Variants in SNRPE observed in about 807,000 individuals in gnomAD.
The protein encoded by SNRPE is small nuclear ribonucleoprotein polypeptide E, also known as small nuclear ribonucleoprotein E.
For missense variants in SNRPE, 53 were observed against 111.6 expected (o/e 0.48, Z 2.36); for synonymous variants, 35 against 36.7 (o/e 0.95, Z 0.17).
intron 4 of SNRPE, among the ~76,000 whole-genome samples, chr1:203,868,146 C>T (rs1164271095): frequency 6.6e-6 from 1 of 152,102 alleles, no homozygotes; most frequent in Admixed American, 6.5e-5. Context: ...ACCTCTGCCT[C>T]CCAGGTTCAA....
At position 203,861,713 on chromosome 1, in the gene SNRPE, C is replaced by T. The variant is rs1433186828; in HGVS notation, c.54C>T (p.Ile18=). 3.7e-6 allele frequency: 6 copies of T among 1,608,176 alleles called. No individual in the cohort carries two copies. The highest frequency in any genetic ancestry group is 3.4e-6 in the Non-Finnish European group (4 of 1,174,570). ...QKVQKVMVQP[I]NLIFRYLQNR... ...TGCAGAAGGTTATGGTGCAGCCCAT[C>T]GTATCCTACGCAGGATGTCAGGACT... The change falls in exon 1 of 5, where the codon ATC becomes ATT. Residue 18 remains isoleucine, a splice_region_variant and synonymous_variant. Transcript: ENST00000414487.
chr1:203,863,552 C>A, intron 2 of SNRPE, 111 bp from the exon 3 acceptor site: 1 of 740,934 alleles, frequency 1.3e-6, no homozygotes, highest in Admixed American at 2.0e-5. Context: ...ATCTCTTGAC[C>A]TTGTGATCCA....
At chr1:203,861,750 G>A in intron 1 of SNRPE, 37 bp downstream of exon 1, 1 of 1,500,878 alleles carries the variant, frequency 6.7e-7, no homozygotes, top group Non-Finnish European at 9.3e-7. Context: ...GGAGGTTCGG[G>A]TCAGAATACG....
At chr1:203,865,586 C>T (rs1456899609) in intron 4 of SNRPE, among the ~76,000 whole-genome samples, 4 of 152,250 alleles carry the variant, frequency 2.6e-5, no homozygotes, top group South Asian at 2.1e-4. Context: ...GACATCAGCT[C>T]AGAGTCGTCA....
rs1266835110 is a variant in SNRPE, at chr1:203,869,803, T to A, written c.224-74T>A. On this transcript the variant is annotated intron_variant, in intron 4 of 4. Coordinates refer to ENST00000414487, the MANE Select transcript of SNRPE (RefSeq NM_003094.4). ...CATTTTCAAAATATTGTTCAAAAAC[T>A]GGATACAAAATTCTGAGAGTAAAAC... 7.8e-6 allele frequency: 8 copies of A among 1,027,648 alleles called. No individual in the cohort carries two copies. In the East Asian group the frequency reaches 1.7e-4, roughly 22 times the overall value. The allele number at this position is 1,027,648 out of a possible 1,614,324, so 63.7% of individuals were successfully genotyped here. A position where few individuals can be genotyped will look rare whatever the true frequency, so the allele number is the denominator to read the frequency against.
rs778291228 is a variant in SNRPE at position 203,861,618 on chromosome 1, C to T, written c.-42C>T. The T allele has an allele frequency of 7.7e-6, 12 of 1,558,426 alleles. No individual in the cohort carries two copies. The Admixed American group carries it at 1.5e-4, about 20-fold the overall frequency. ...CCGGTTCTTTATTCCGGAAGTTGCT[C>T]TCAGAGGCAGCGTGCGGGTGTGCTC... On this transcript the variant is annotated 5_prime_UTR_variant, in exon 1 of 5. Transcript: ENST00000414487.
chr1:203,865,186 G>A, intron 4 of SNRPE, 67 bp downstream of exon 4: 1 of 1,358,972 alleles, frequency 7.4e-7, no homozygotes, highest in Non-Finnish European at 1.0e-6. Flanking sequence ...TCAGTGACCT[G>A]CAACTCAGTT....
At position 203,870,507 on chromosome 1, in the gene SNRPE, CT is replaced by C. The variant is rs1690193442; in HGVS notation, c.*578del. ...TGGATATAGGGAAAGAATGAAGTGC[CT>C]TTCAAGTACATTAAAAATCAGTTAA... is the stretch of plus-strand genomic sequence containing the variant. On this transcript the variant is annotated 3_prime_UTR_variant, in exon 5 of 5. Transcript: ENST00000414487. The C allele has an allele frequency of 6.6e-6, 1 of 152,092 alleles. No homozygotes were observed. The allele number at this position is 152,092 out of a possible 1,614,324, so 9.4% of individuals were successfully genotyped here.
At chr1:203,861,945 G>A (rs978093103) in intron 1 of SNRPE, 2 of 612,732 alleles carry the variant, frequency 3.3e-6, no homozygotes, top group Non-Finnish European at 5.9e-6. Flanking sequence ...AAGGAGGGAA[G>A]AGAACTTCAG....
chr1:203,867,736 T>C (rs1168864313), intron 4 of SNRPE, among the ~76,000 whole-genome samples: 1 of 152,202 alleles, frequency 6.6e-6, no homozygotes, highest in Non-Finnish European at 1.5e-5. Context: ...CCTCGCCCAC[T>C]GCTCACCTCT....
chr1:203,861,986 T>G, intron 1 of SNRPE: 1 of 613,456 alleles, frequency 1.6e-6, no homozygotes. Context: ...TTAACGGTTT[T>G]GGGAAACTCC....
intron 4 of SNRPE, among the ~76,000 whole-genome samples, chr1:203,867,550 C>T (rs999370442): frequency 5.3e-5 from 8 of 152,172 alleles, no homozygotes; most frequent in African/African-American, 1.7e-4. Context: ...AGTGACAGAT[C>T]ATCAGGCATT....
intron 4 of SNRPE, among the ~76,000 whole-genome samples, chr1:203,869,251 T>G (rs1558159469): frequency 5.4e-5 from 8 of 149,494 alleles, no homozygotes; most frequent in Admixed American, 2.7e-4. Context: ...CCTTAGGAAA[T>G]TTTGGGTAAA....
Position 203,861,704 on chromosome 1 carries a change from G to A in SNRPE, c.45G>A (p.Val15=). The change falls in exon 1 of 5, where the codon GTG becomes GTA. Residue 15 remains valine, a synonymous_variant. Transcript: ENST00000414487. ...GTCAGAAAGTGCAGAAGGTTATGGT[G>A]CAGCCCATCGTATCCTACGCAGGAT... The part of the protein sequence containing the change: ...GQGQKVQKVM[V]QPINLIFRYL... The A allele has an allele frequency of 6.2e-7, 1 of 1,611,724 alleles. No homozygotes were observed. The highest frequency in any genetic ancestry group is 8.5e-7 in the Non-Finnish European group (1 of 1,177,740).
At chr1:203,867,528 G>T (rs1035635278) in intron 4 of SNRPE, among the ~76,000 whole-genome samples, 1 of 152,178 alleles carries the variant, frequency 6.6e-6, no homozygotes, top group African/African-American at 2.4e-5. Flanking sequence ...CCATCTGGGG[G>T]TGATGGGAGA....
rs1439940364 is a variant in SNRPE at position 203,863,684 on chromosome 1, C to A, written c.103C>A (p.Leu35Ile). 1 of 1,611,216 alleles carries A rather than the reference C, an allele frequency of 6.2e-7. No homozygotes were observed. Among genetic ancestry groups the A allele is most frequent in the Non-Finnish European group, 8.5e-7 (1 of 1,177,448 alleles). Residue 35 changes from leucine to isoleucine, a missense_variant, in exon 3 of 5, where the codon CTC (leucine) becomes ATC (isoleucine). Physicochemically the swap from Leu to Ile is conservative, Grantham distance 5. Coordinates refer to ENST00000414487, the MANE Select transcript of SNRPE (RefSeq NM_003094.4). The part of the protein sequence containing the change: ...LQNRSRIQVW[L>I]YEQVNMRIEG... Reference sequence around the variant, plus strand: ...TCAGAGATCGCGGATTCAGGTGTGGCTCTATGAGCAAGTGAATATGCGGAT... The same window carrying A: ...TCAGAGATCGCGGATTCAGGTGTGGATCTATGAGCAAGTGAATATGCGGAT...
chr1:203,862,263 A>G (rs745658986), intron 2 of SNRPE, 41 bp downstream of exon 2: 1 of 1,416,690 alleles, frequency 7.1e-7, no homozygotes, highest in Non-Finnish European at 1.0e-6. Flanking sequence ...TTTAAATAAG[A>G]GGTGAACTGA....
intron 4 of SNRPE, among the ~76,000 whole-genome samples, chr1:203,866,254 T>A (rs1690086363): frequency 6.6e-6 from 1 of 152,216 alleles, no homozygotes; most frequent in African/African-American, 2.4e-5. Context: ...GAAGACCAAG[T>A]AAATATTTTG....
At chr1:203,868,486 A>G (rs1432275101) in intron 4 of SNRPE, among the ~76,000 whole-genome samples, 1 of 152,184 alleles carries the variant, frequency 6.6e-6, no homozygotes, top group Non-Finnish European at 1.5e-5. Flanking sequence ...TATTTGTTAA[A>G]TGCTCACTAA....
Sources: gnomAD v4.1 joint callset for allele counts (sites outside exome capture counted in the v4.1 genomes callset) on GRCh38, gnomAD v4.1.1 for gene constraint, MANE v1.5 for transcripts, NCBI Gene and HGNC (gene_info 2026-07-23, HGNC 2026-07-21) for gene names.